The following BRINP3 variants were observed in gnomAD, a reference collection of about 807,000 sequenced individuals.
The protein encoded by BRINP3 is BMP/retinoic acid-inducible neural-specific protein 3.
A neutral mutation model predicts 71.0 loss-of-function variants in BRINP3; 19 were observed. The ratio of observed to expected loss-of-function variants is 0.27; its 90% confidence interval spans 0.19 to 0.39. BRINP3 has a LOEUF of 0.39. BRINP3 is among the 10% of genes least tolerant of loss of function. The probability of loss-of-function intolerance (pLI) is 1.00; values close to 1 mark genes in which losing one functional copy is unlikely to be tolerated. For synonymous variants in BRINP3, 380 were observed against 337.7 expected (o/e 1.13, Z -1.37); for missense variants, 959 against 940.8 (o/e 1.02, Z -0.25).
At chr1:190,213,736 C>G (rs1656178914) in intron 6 of BRINP3, among the ~76,000 whole-genome samples, 1 of 151,806 alleles carries the variant, frequency 6.6e-6, no homozygotes, top group Non-Finnish European at 1.5e-5. Context: ...AAGTAAAACT[C>G]TAATAAAATT....
intron 2 of BRINP3, among the ~76,000 whole-genome samples, chr1:190,420,034 C>A (rs973500397): frequency 3.3e-5 from 5 of 151,828 alleles, no homozygotes; most frequent in Non-Finnish European, 7.4e-5. Context: ...TATAACAAAT[C>A]TATATATGAA....
At chr1:190,443,414 AAAAAGAAAAG>A (rs1420941770) in intron 2 of BRINP3, among the ~76,000 whole-genome samples, 4 of 151,756 alleles carry the variant, frequency 2.6e-5, no homozygotes, top group East Asian at 1.9e-4. Flanking sequence ...CAAAAAAAAA[AAAAAGAAAAG>A]AAAAGAAAAG....
In BRINP3 at chr1:190,281,094, T is replaced by C. The variant is rs553832498; in HGVS notation, c.427+466A>G. Among the ~76,000 whole-genome samples, 184 of 152,076 alleles carry C rather than the reference T, an allele frequency of 1.2e-3. 2 individuals are homozygous for C. The highest frequency in any genetic ancestry group is 3.7e-3 in the Admixed American group (56 of 15,202). On this transcript the variant is annotated intron_variant, in intron 3 of 7. Coordinates refer to ENST00000367462, the MANE Select transcript of BRINP3 (RefSeq NM_199051.3). ...ACTTTCTTATTATGCATCATAATTA[T>C]TTGTTTATCACTTTTTCCGTACCAG...
chr1:190,278,204 T>C (rs1289609507), intron 3 of BRINP3, among the ~76,000 whole-genome samples: 1 of 151,718 alleles, frequency 6.6e-6, no homozygotes, highest in Non-Finnish European at 1.5e-5. Context: ...TTGAAATTTT[T>C]TTGAAGATTT....
chr1:190,132,465 C>A (rs896732080), intron 7 of BRINP3, among the ~76,000 whole-genome samples: 1 of 152,014 alleles, frequency 6.6e-6, no homozygotes. Context: ...TATCAAATTG[C>A]ATTTTAAGCT....
At chr1:190,233,286 A>G (rs1320301146) in intron 5 of BRINP3, among the ~76,000 whole-genome samples, 1 of 151,942 alleles carries the variant, frequency 6.6e-6, no homozygotes, top group Non-Finnish European at 1.5e-5. Flanking sequence ...TTGAACTCTT[A>G]GGTGCAGCAA....
At chr1:190,220,313 G>A (rs1656764302) in intron 6 of BRINP3, among the ~76,000 whole-genome samples, 1 of 152,010 alleles carries the variant, frequency 6.6e-6, no homozygotes, top group African/African-American at 2.4e-5. Flanking sequence ...AACACTGCAT[G>A]TTCTCAATCA....
intron 2 of BRINP3, among the ~76,000 whole-genome samples, chr1:190,347,052 C>G (rs965460805): frequency 1.3e-5 from 2 of 152,090 alleles, no homozygotes; most frequent in African/African-American, 4.8e-5. Flanking sequence ...CTCACACACA[C>G]ACAAAGTCAA....
chr1:190,342,463 C>A (rs1667727357), intron 2 of BRINP3: 1 of 150,446 alleles, frequency 6.6e-6, no homozygotes, highest in Admixed American at 6.7e-5. Context: ...TGGTGTTTAA[C>A]CTGGAGTCTT....
chr1:190,233,794 T>C (rs1191547288), intron 5 of BRINP3, among the ~76,000 whole-genome samples: 3 of 152,198 alleles, frequency 2.0e-5, no homozygotes, highest in Non-Finnish European at 4.4e-5. Context: ...AAAGTTCTTG[T>C]GAATAAAATA....
intron 3 of BRINP3, among the ~76,000 whole-genome samples, chr1:190,270,155 G>T (rs1455444012): frequency 2.0e-5 from 3 of 151,324 alleles, no homozygotes; most frequent in South Asian, 2.1e-4. Flanking sequence ...CTTTTTATTT[G>T]GAAAAAAGCA....
chr1:190,153,933 T>C (rs1256697169), intron 7 of BRINP3: 6 of 263,174 alleles, frequency 2.3e-5, no homozygotes, highest in Non-Finnish European at 3.5e-5. Flanking sequence ...TTGGCTCTAG[T>C]AATATAACTC....
At chr1:190,226,959 T>G (rs1203829341) in intron 5 of BRINP3, among the ~76,000 whole-genome samples, 2 of 151,978 alleles carry the variant, frequency 1.3e-5, no homozygotes, top group Non-Finnish European at 2.9e-5. Context: ...ATTAGTTTTC[T>G]AGAAACATGT....
At chr1:190,135,273 A>T (rs529830391) in intron 7 of BRINP3, among the ~76,000 whole-genome samples, 92 of 152,222 alleles carry the variant, frequency 6.0e-4, no homozygotes, top group African/African-American at 2.2e-3. Flanking sequence ...TTTTAATGGT[A>T]TACACATTGT....
chr1:190,426,750 T>C (rs1243215434), intron 2 of BRINP3, among the ~76,000 whole-genome samples: 1 of 151,898 alleles, frequency 6.6e-6, no homozygotes, highest in Non-Finnish European at 1.5e-5. Flanking sequence ...ATTATGCCTA[T>C]GAATACCAAT....
intron 7 of BRINP3, among the ~76,000 whole-genome samples, chr1:190,157,809 T>C (rs1410059164): frequency 1.3e-5 from 2 of 151,996 alleles, no homozygotes; most frequent in African/African-American, 2.4e-5. Flanking sequence ...TAGAGGAAGC[T>C]TTATTGATGT....
At chr1:190,468,334 A>G (rs1676901228) in intron 1 of BRINP3, among the ~76,000 whole-genome samples, 1 of 151,358 alleles carries the variant, frequency 6.6e-6, no homozygotes, top group African/African-American at 2.4e-5. Context: ...ACTTGAAATC[A>G]GAATTGATTT....
At chr1:190,345,020 T>A (rs955043372) in intron 2 of BRINP3, among the ~76,000 whole-genome samples, 1 of 151,890 alleles carries the variant, frequency 6.6e-6, no homozygotes, top group Non-Finnish European at 1.5e-5. Flanking sequence ...TCACAAATGA[T>A]TAATAAATTT....
chr1:190,295,364 C>T (rs1439448359), intron 2 of BRINP3, among the ~76,000 whole-genome samples: 2 of 152,090 alleles, frequency 1.3e-5, no homozygotes. Context: ...TTTCCCAACA[C>T]AGGGATTCTC....
Sources: gnomAD v4.1 joint callset for allele counts (sites outside exome capture counted in the v4.1 genomes callset) on GRCh38, gnomAD v4.1.1 for gene constraint, MANE v1.5 for transcripts, NCBI Gene and HGNC (gene_info 2026-07-23, HGNC 2026-07-21) for gene names.